Variants in CSTF1 observed in about 807,000 individuals in gnomAD.
The protein encoded by CSTF1 is CF-1 50 kDa subunit.
In CSTF1, 2 loss-of-function variants were observed where a neutral mutation model predicts 40.9. The observed-to-expected ratio is 0.05, with a 90% CI of 0.02 to 0.15. The LOEUF is 0.15. CSTF1 is among the 10% of genes least tolerant of loss of function. The pLI is 1.00. For missense variants in CSTF1, 279 were observed against 558.9 expected (o/e 0.50, Z 5.05); for synonymous variants, 218 against 207.2 (o/e 1.05, Z -0.45).
upstream of CSTF1, chr20:56,392,445 C>G (rs1456373243): frequency 1.3e-5 from 2 of 152,304 alleles, no homozygotes; most frequent in Non-Finnish European, 2.9e-5. Flanking sequence ...TCTCCGCGGT[C>G]GGCCATTTAT....
rs1370710720 is a variant in CSTF1 at position 56,392,654 on chromosome 20, A to G, written c.-92A>G. 6.6e-6 allele frequency: 1 copy of G among 152,264 alleles called. No homozygotes were observed. Among genetic ancestry groups the G allele is most frequent in the Non-Finnish European group, 1.5e-5 (1 of 68,078 alleles). The allele number at this position is 152,264 out of a possible 1,614,324, so 9.4% of individuals were successfully genotyped here. A position where few individuals can be genotyped will look rare whatever the true frequency, so the allele number is the denominator to read the frequency against. ...GTGCGCTCGGAGCGGTAGATTGGGC[A>G]GGATTCGCGCCTCCATTTTTCCAGG... is the stretch of plus-strand genomic sequence containing the variant. On this transcript the variant is annotated 5_prime_UTR_variant, in exon 1 of 6. Coordinates refer to ENST00000217109, the MANE Select transcript of CSTF1 (RefSeq NM_001324.3).
At position 56,396,984 on chromosome 20, in the gene CSTF1, T is replaced by A. The variant is rs375139315; in HGVS notation, c.170-223T>A. On this transcript the variant is annotated intron_variant, in intron 2 of 5. Coordinates refer to ENST00000217109, the MANE Select transcript of CSTF1 (RefSeq NM_001324.3). ...AACCTGGGGAAATGACTTTGTCTAT[T>A]GGAGCCTAACCTTCCAGCAACCCAT... is the stretch of plus-strand genomic sequence containing the variant. The A allele has an allele frequency of 5.8e-6, 3 of 515,694 alleles. No individual in the cohort carries two copies. The South Asian group carries it at 8.6e-5, about 15-fold the overall frequency. The allele number at this position is 515,694 out of a possible 1,614,324, so 31.9% of individuals were successfully genotyped here. A position where few individuals can be genotyped will look rare whatever the true frequency, so the allele number is the denominator to read the frequency against.
chr20:56,397,123 T>C lies in CSTF1; in HGVS notation c.170-84T>C. On this transcript the variant is annotated intron_variant, in intron 2 of 5. Transcript: ENST00000217109. This position sits in a 1 kb window ranked among gnomAD's most constrained non-coding sequence, Gnocchi z 4.4. The stretch of plus-strand genomic sequence containing the variant: ...GGAGGTTGACACTGGTGAGCATCTT[T>C]CCAGTTTGGATCTAGAATTTTATCT... 1 of 1,431,296 alleles carries C rather than the reference T, an allele frequency of 7.0e-7. No individual in the cohort carries two copies. Among genetic ancestry groups the C allele is most frequent in the Non-Finnish European group, 9.6e-7 (1 of 1,046,548 alleles). 88.7% of individuals were successfully genotyped at this position (1,431,296 alleles called of 1,614,324 possible).
intron 2 of CSTF1, chr20:56,396,086 G>A (rs34120224): frequency 0.012 from 2,107 of 177,168 alleles, 28 homozygotes; most frequent in South Asian, 0.026. Flanking sequence ...CTGCCATAGC[G>A]ATCCCATTTG....
intron 4 of CSTF1, among the ~76,000 whole-genome samples, chr20:56,398,619 G>A (rs1441368156): frequency 2.0e-5 from 3 of 152,118 alleles, no homozygotes; most frequent in Non-Finnish European, 4.4e-5. Flanking sequence ...TGCAGCCCTA[G>A]AGCAAATTAA....
intron 4 of CSTF1, 116 bp from the exon 5 acceptor site, chr20:56,398,851 G>A (rs1978336720): frequency 1.0e-6 from 1 of 985,074 alleles, no homozygotes; most frequent in South Asian, 1.7e-5. Context: ...TGATACCTGT[G>A]TAATATCTAA....
In CSTF1 at chr20:56,397,285, T is replaced by C. The variant is rs1569115499; in HGVS notation, c.248T>C (p.Leu83Pro). Residue 83 changes from leucine (L) to proline (P), a missense_variant, in exon 3 of 6, where the codon CTG (leucine) becomes CCG (proline). Leu to Pro is a moderately conservative substitution (Grantham distance 98). Transcript: ENST00000217109. The surrounding 1 kb of genome is among the most constrained non-coding windows in gnomAD (Gnocchi z 4.4). Reference sequence around the variant, plus strand: ...GTTGCCCCTGGCACAGGGATTGACCTGGAATTTGATGCAGATGTTCAGACT... The same window carrying C: ...GTTGCCCCTGGCACAGGGATTGACCCGGAATTTGATGCAGATGTTCAGACT... ...DTVAPGTGID[L>P]EFDADVQTMS... is the part of the protein sequence containing the mutation. 5 of 1,614,246 alleles carry C rather than the reference T, an allele frequency of 3.1e-6. No homozygotes were observed. Among genetic ancestry groups the C allele is most frequent in the Non-Finnish European group, 4.2e-6 (5 of 1,180,052 alleles).
At chr20:56,395,839 CAGTA>C (rs1987503808) in intron 2 of CSTF1, 118 bp downstream of exon 2, 1 of 1,065,606 alleles carries the variant, frequency 9.4e-7, no homozygotes, top group South Asian at 1.6e-5. Context: ...CCGGGTACTT[CAGTA>C]AGTAAGTAGT....
chr20:56,400,002 C>A (rs1978383704), intron 5 of CSTF1, among the ~76,000 whole-genome samples: 1 of 152,224 alleles, frequency 6.6e-6, no homozygotes, highest in South Asian at 2.1e-4. Context: ...TGTTAAAACA[C>A]TGTCTTCTGT....
At chr20:56,400,403 A>G (rs1978399685) in intron 5 of CSTF1, among the ~76,000 whole-genome samples, 1 of 152,214 alleles carries the variant, frequency 6.6e-6, no homozygotes, top group South Asian at 2.1e-4. Context: ...CTACTTTATA[A>G]TAGTTGTGTT....
In CSTF1 at chr20:56,400,714, A is replaced by G. The variant is rs17461766; in HGVS notation, c.1036+1357A>G. Among the ~76,000 whole-genome samples the G allele has an allele frequency of 9.4e-3, 1,436 of 152,236 alleles. 11 individuals carry two copies. Among genetic ancestry groups the G allele is most frequent in the Non-Finnish European group, 0.015 (1,047 of 68,016 alleles). ...CAGGTCAAGCGCCTGTCATGTCAGC[A>G]TGTTAAGATTTCTGTTCCCAGTTTT... On this transcript the variant is annotated intron_variant, in intron 5 of 5. Transcript: ENST00000217109.
chr20:56,403,819 T>G lies in CSTF1; in HGVS notation c.*92T>G. On this transcript the variant is annotated 3_prime_UTR_variant, in exon 6 of 6. Coordinates refer to ENST00000217109, the MANE Select transcript of CSTF1 (RefSeq NM_001324.3). ...CAGTCGTAAGTCCGTGCACCATCCT[T>G]GACGTTTTGCTGCCACCTCTGTCCA... is the stretch of plus-strand genomic sequence containing the variant. 1.5e-6 allele frequency: 2 copies of G among 1,342,966 alleles called. No homozygotes were observed. The highest frequency in any genetic ancestry group is 2.1e-6 in the Non-Finnish European group (2 of 974,792). The allele number at this position is 1,342,966 out of a possible 1,614,324, so 83.2% of individuals were successfully genotyped here. A position where few individuals can be genotyped will look rare whatever the true frequency, so the allele number is the denominator to read the frequency against.
intron 5 of CSTF1, among the ~76,000 whole-genome samples, chr20:56,403,174 C>CTTT (rs75875923): frequency 1.4e-5 from 2 of 146,054 alleles, no homozygotes; most frequent in Non-Finnish European, 3.0e-5. Flanking sequence ...TGGTGATCTC[C>CTTT]TTTTTTTTTT....
chr20:56,398,953 CTCTG>C lies in CSTF1; in HGVS notation c.646-11_646-8del, dbSNP rs766592346. On this transcript the variant is annotated splice_polypyrimidine_tract_variant and intron_variant, in intron 4 of 5. Transcript: ENST00000217109. ...ACCAGTTGGTCACTTGTATTAATGTCTCTGTCCCAACAGGAAGCTGAAATGTTAC... is the reference window on the plus strand; with the variant it reads ...ACCAGTTGGTCACTTGTATTAATGTCTCCCAACAGGAAGCTGAAATGTTAC... The C allele has an allele frequency of 1.3e-6, 2 of 1,581,704 alleles. No individual in the cohort carries two copies. The highest frequency in any genetic ancestry group is 1.7e-6 in the Non-Finnish European group (2 of 1,162,488).
rs71198364 is a variant in CSTF1 at position 56,404,812 on chromosome 20, ATTTTTTTTTTTTTTTTTTT to A, written c.*1093_*1111del. 3.9e-5 allele frequency: 2 copies of A among 50,912 alleles called. No homozygotes were observed. Among genetic ancestry groups the A allele is most frequent in the Non-Finnish European group, 6.1e-5 (2 of 32,898 alleles). 3.2% of individuals were successfully genotyped at this position (50,912 alleles called of 1,614,324 possible). On this transcript the variant is annotated 3_prime_UTR_variant, in exon 6 of 6. Transcript: ENST00000217109. ...AGGCACCCACCACCACGCCCGGCTA[ATTTTTTTTTTTTTTTTTTT>A]TTTTTTTGTATTTTTAGTAGAGCCA...
intron 1 of CSTF1, among the ~76,000 whole-genome samples, chr20:56,394,718 C>G (rs557480587): frequency 1.3e-5 from 2 of 152,236 alleles, no homozygotes; most frequent in Non-Finnish European, 2.9e-5. Flanking sequence ...AGCAAATTAT[C>G]ATGTTGAACA....
At position 56,399,502 on chromosome 20, in the gene CSTF1, G is replaced by A. The variant is rs1016350626; in HGVS notation, c.1036+145G>A. On this transcript the variant is annotated intron_variant, in intron 5 of 5. Transcript: ENST00000217109. The surrounding 1 kb of genome is among the most constrained non-coding windows in gnomAD (Gnocchi z 4.6). The stretch of plus-strand genomic sequence containing the variant: ...CCTTTCTTAGATAAGAGGAAACCAA[G>A]ACTTACAGGTTAAGTCATTTAGCCA... 1 of 772,318 alleles carries A rather than the reference G, an allele frequency of 1.3e-6. No homozygotes were observed. Among genetic ancestry groups the A allele is most frequent in the African/African-American group, 1.8e-5 (1 of 57,120 alleles). 47.8% of individuals were successfully genotyped at this position (772,318 alleles called of 1,614,324 possible). A position where few individuals can be genotyped will look rare whatever the true frequency, so the allele number is the denominator to read the frequency against.
In CSTF1 at chr20:56,401,241, A is replaced by C. The variant is rs936126627; in HGVS notation, c.1036+1884A>C. 2.6e-5 allele frequency among the ~76,000 whole-genome samples: 4 copies of C among 152,336 alleles called. No homozygotes were observed. In the East Asian group the frequency reaches 7.7e-4, roughly 29 times the overall value. On this transcript the variant is annotated intron_variant, in intron 5 of 5. Transcript: ENST00000217109. ...CATCCTTAATCTATAAAGAGAACTC[A>C]TATGGGAAAAAGATGAGTCCAAACT...
At chr20:56,402,807 C>G (rs995575587) in intron 5 of CSTF1, among the ~76,000 whole-genome samples, 1 of 151,706 alleles carries the variant, frequency 6.6e-6, no homozygotes, top group Non-Finnish European at 1.5e-5. Flanking sequence ...TGGTGGTGTC[C>G]ACCTGTAGTC....
Sources: allele counts gnomAD v4.1 joint callset (sites outside exome capture counted in the v4.1 genomes callset), GRCh38; gene constraint gnomAD v4.1.1; non-coding constraint Gnocchi (gnomAD v3.1); transcripts MANE v1.5; gene names NCBI Gene and HGNC (gene_info 2026-07-23, HGNC 2026-07-21).